The following TRRAP variants were observed in gnomAD, a reference collection of about 807,000 sequenced individuals.
The protein encoded by TRRAP is transformation/transcription domain-associated protein.
Under a neutral mutation model 438.8 loss-of-function variants are expected in TRRAP, and 41 were observed. The observed-to-expected ratio is 0.09, with a 90% CI of 0.07 to 0.12. TRRAP has a LOEUF of 0.12. Among genes scored for constraint, TRRAP ranks in the 10% least tolerant of loss-of-function variants. The pLI is 1.00. For synonymous variants in TRRAP, 1,994 were observed against 1,962.9 expected, an observed-to-expected ratio of 1.02 and a Z score of -0.42; for missense variants, 3,122 against 5,055.1, an observed-to-expected ratio of 0.62 and a Z score of 11.60.
intron 62 of TRRAP, 22 bp from the exon 63 acceptor site, chr7:98,988,743 T>G (rs868713955): frequency 1.2e-6 from 2 of 1,611,628 alleles, no homozygotes; most frequent in Middle Eastern, 1.7e-4. Context: ...CATACACGTT[T>G]TGGTTTTCTG....
intron 67 of TRRAP, chr7:98,999,949 TAATAAC>T (rs1167798903): frequency 1.6e-5 from 4 of 244,568 alleles, no homozygotes; most frequent in African/African-American, 9.2e-5. Context: ...GAGGAATTGT[TAATAAC>T]AATCAGAAAA....
At chr7:99,006,702 G>A (rs1358054906) in intron 69 of TRRAP, among the ~76,000 whole-genome samples, 1 of 152,198 alleles carries the variant, frequency 6.6e-6, no homozygotes, top group Non-Finnish European at 1.5e-5. Flanking sequence ...GGACACAGCT[G>A]CCACTGGGAC....
intron 44 of TRRAP, 23 bp downstream of exon 44, chr7:98,958,114 G>A (rs782559096): frequency 1.6e-5 from 26 of 1,599,466 alleles, no homozygotes; most frequent in South Asian, 1.3e-4. Flanking sequence ...AGTGCCCTGC[G>A]TTAGGGCTTC....
At chr7:98,964,515 T>G in intron 47 of TRRAP, 114 bp from the exon 48 acceptor site, 1 of 1,271,108 alleles carries the variant, frequency 7.9e-7, no homozygotes, top group Non-Finnish European at 1.1e-6. Context: ...GTGTTGACAC[T>G]GGGATTAACT....
At chr7:98,937,452 T>C (rs1160745661) in intron 29 of TRRAP, among the ~76,000 whole-genome samples, 175 bp downstream of exon 29, 1 of 152,264 alleles carries the variant, frequency 6.6e-6, no homozygotes, top group Non-Finnish European at 1.5e-5. Flanking sequence ...TTCATAGTCA[T>C]ACTGAGTTTT....
At chr7:98,967,194 T>C (rs1792195566) in intron 50 of TRRAP, 32 bp downstream of exon 50, 1 of 1,599,876 alleles carries the variant, frequency 6.3e-7, no homozygotes, top group African/African-American at 1.3e-5. Context: ...GTACTACATA[T>C]ATTGGTCCTT....
chr7:99,001,322 G>A (rs998959733), intron 67 of TRRAP, among the ~76,000 whole-genome samples: 5 of 152,222 alleles, frequency 3.3e-5, no homozygotes, highest in Admixed American at 6.5e-5. Context: ...TACGTGAAGC[G>A]CTTTCATCTC....
intron 63 of TRRAP, among the ~76,000 whole-genome samples, chr7:98,989,578 A>AT (rs1480776361): frequency 6.6e-6 from 1 of 152,200 alleles, no homozygotes; most frequent in Non-Finnish European, 1.5e-5. Flanking sequence ...AAAGGTTTGG[A>AT]TTTTTTAGAA....
rs1385448701 is a variant in TRRAP, at chr7:98,956,416, C to T, written c.6114C>T (p.Asp2038=). ...IKDQQPDSDM[D]PNSSGEGVNS... ...TTTTTAAGCCGGATTCAGATATGGA[C>T]CCAAATTCCAGTGGAGAAGGAGTCA... Residue 2038 remains aspartate (D), a synonymous_variant, in exon 43 of 73, where the codon GAC becomes GAT. Coordinates refer to ENST00000456197, the MANE Select transcript of TRRAP (RefSeq NM_001375524.1). The surrounding 1 kb of genome is among the most constrained non-coding windows in gnomAD (Gnocchi z 4.5). 1.2e-6 allele frequency: 2 copies of T among 1,613,940 alleles called. No homozygotes were observed. The highest frequency in any genetic ancestry group is 1.3e-5 in the African/African-American group (1 of 74,892).
At position 98,930,222 on chromosome 7, in the gene TRRAP, G is replaced by A. The variant is rs563663540; in HGVS notation, c.3393+16G>A. ...CAAGGAGAGGGTAAGGAAGGGTTGA[G>A]GAGTGTCTTCTGATTTGGAGGGTGT... On this transcript the variant is annotated intron_variant, in intron 24 of 72. Coordinates refer to ENST00000456197, the MANE Select transcript of TRRAP (RefSeq NM_001375524.1). The A allele has an allele frequency of 8.1e-6, 13 of 1,613,522 alleles. No individual in the cohort carries two copies. In the South Asian group the frequency reaches 1.4e-4, roughly 18 times the overall value.
At chr7:98,989,004 T>C (rs768494563) in intron 63 of TRRAP, 38 bp downstream of exon 63, 2 of 1,589,142 alleles carry the variant, frequency 1.3e-6, no homozygotes, top group African/African-American at 2.7e-5. Context: ...AGAGGCCATC[T>C]GTCACCTTCA....
chr7:98,995,647 TC>T (rs375925743), intron 67 of TRRAP, among the ~76,000 whole-genome samples: 2,823 of 131,306 alleles, frequency 0.021, 31 homozygotes, highest in South Asian at 0.037. Context: ...CCCCACAGTA[TC>T]CCCCCCCCAC....
At position 98,976,173 on chromosome 7, in the gene TRRAP, G is replaced by A. The variant is rs201145010; in HGVS notation, c.7864G>A (p.Val2622Ile). The A allele has an allele frequency of 5.2e-5, 84 of 1,614,018 alleles. No individual in the cohort carries two copies. In the East Asian group the frequency reaches 1.4e-3, roughly 27 times the overall value. ...GACTGGAGCGCTGCTCAGCGCTTTC[G>A]TTCAGCTGTGCCACATTTCCACGAC... The part of the protein sequence containing the change: ...VKTGALLSAF[V>I]QLCHISTTLA... The change falls in exon 54 of 73, where the codon GTT becomes ATT. Residue 2622 changes from valine (V) to isoleucine (I), a missense_variant. Coordinates refer to ENST00000456197, the MANE Select transcript of TRRAP (RefSeq NM_001375524.1). The surrounding 1 kb of genome is among the most constrained non-coding windows in gnomAD (Gnocchi z 4.6).
At chr7:98,943,614 C>T (rs1232415937) in intron 31 of TRRAP, among the ~76,000 whole-genome samples, 1 of 152,230 alleles carries the variant, frequency 6.6e-6, no homozygotes, top group East Asian at 1.9e-4. Context: ...AAAACCGCTT[C>T]AGCTAAATCT....
At chr7:98,970,669 C>T (rs1365950250) in intron 52 of TRRAP, among the ~76,000 whole-genome samples, 1 of 151,886 alleles carries the variant, frequency 6.6e-6, no homozygotes, top group Non-Finnish European at 1.5e-5. Context: ...ATCACGTTAC[C>T]ATGAGCTAGT....
At chr7:98,998,735 A>G in intron 67 of TRRAP, 1 of 190,006 alleles carries the variant, frequency 5.3e-6, no homozygotes, top group Non-Finnish European at 1.1e-5. Context: ...CAGCATGGGC[A>G]TCTCTTCGAG....
intron 3 of TRRAP, among the ~76,000 whole-genome samples, 189 bp from the exon 4 acceptor site, chr7:98,890,146 T>G (rs1795903014): frequency 6.6e-6 from 1 of 152,236 alleles, no homozygotes; most frequent in Non-Finnish European, 1.5e-5. Context: ...GCATTTAGTT[T>G]TCCTGAATTG....
chr7:98,886,365 GATAGAT>G (rs1795699850), intron 3 of TRRAP, among the ~76,000 whole-genome samples: 1 of 151,542 alleles, frequency 6.6e-6, no homozygotes, highest in South Asian at 2.1e-4. Context: ...TATAGATAGA[GATAGAT>G]ATAGATATCT....
chr7:98,890,673 T>C (rs1377561758), intron 4 of TRRAP, among the ~76,000 whole-genome samples: 1 of 152,020 alleles, frequency 6.6e-6, no homozygotes, highest in African/African-American at 2.4e-5. Context: ...TGATGACATG[T>C]GTGTACACTG....
Sources: gnomAD v4.1 joint callset for allele counts (sites outside exome capture counted in the v4.1 genomes callset) on GRCh38, gnomAD v4.1.1 for gene constraint, Gnocchi (gnomAD v3.1) non-coding constraint, MANE v1.5 for transcripts, NCBI Gene and HGNC (gene_info 2026-07-23, HGNC 2026-07-21) for gene names.